CYP7B1: variants seen among roughly 807,000 people sequenced by gnomAD.
The protein encoded by CYP7B1 is cytochrome P450 7B1.
CYP7B1 carries 29 observed loss-of-function variants against 42.7 expected under a neutral mutation model. The observed-to-expected ratio is 0.68, with a 90% CI of 0.51 to 0.93. CYP7B1 has a LOEUF of 0.93. Among genes scored for constraint, CYP7B1 ranks in the 40% least tolerant of loss-of-function variants. The pLI is 0.00. For synonymous variants in CYP7B1, 235 were observed against 218.2 expected (o/e 1.08, Z -0.68); for missense variants, 655 against 600.5 (o/e 1.09, Z -0.95).
At chr8:64,603,862 A>C (rs149312285) in intron 5 of CYP7B1, among the ~76,000 whole-genome samples, 2 of 152,352 alleles carry the variant, frequency 1.3e-5, no homozygotes, top group Non-Finnish European at 2.9e-5. Flanking sequence ...TATCTTAGCA[A>C]TTAGATTTAG....
intron 2 of CYP7B1, among the ~76,000 whole-genome samples, chr8:64,618,590 T>TCTCTC (rs1805482620): frequency 2.6e-5 from 1 of 38,894 alleles, no homozygotes; most frequent in Non-Finnish European, 5.8e-5. Context: ...CTCTCTCTCT[T>TCTCTC]TCTCTCTCTC....
intron 1 of CYP7B1, among the ~76,000 whole-genome samples, chr8:64,684,349 C>A (rs958541776): frequency 6.6e-6 from 1 of 152,184 alleles, no homozygotes; most frequent in Non-Finnish European, 1.5e-5. Context: ...TCAGCTGCTT[C>A]ATCTATAAAC....
intron 1 of CYP7B1, among the ~76,000 whole-genome samples, chr8:64,653,114 C>A (rs1408010652): frequency 6.6e-6 from 1 of 151,904 alleles, no homozygotes; most frequent in Non-Finnish European, 1.5e-5. Context: ...GCAAATTAAC[C>A]CCAAAGTTAG....
At position 64,697,319 on chromosome 8, in the gene CYP7B1, G is replaced by C. The variant is rs550972355; in HGVS notation, c.123-72780C>G. On this transcript the variant is annotated intron_variant, in intron 1 of 5. Coordinates refer to ENST00000310193, the MANE Select transcript of CYP7B1 (RefSeq NM_004820.5). ...TATACTCACATATAAATACAGTAAT[G>C]GGTTGCCACTTCTTGGGGAAGGCCA... Among the ~76,000 whole-genome samples the C allele has an allele frequency of 1.2e-3, 189 of 152,216 alleles. 2 individuals are homozygous for C. In the Middle Eastern group the frequency reaches 0.02, roughly 16 times the overall value.
In CYP7B1 at chr8:64,672,989, A is replaced by T. The variant is rs187842406; in HGVS notation, c.123-48450T>A. ...CAGTTGAGTTCTGTGCATGTCAAGT[A>T]TGAATAGAGTAGTCATGTTCAAAGG... On this transcript the variant is annotated intron_variant, in intron 1 of 5. Transcript: ENST00000310193. 6.6e-5 allele frequency among the ~76,000 whole-genome samples: 10 copies of T among 152,262 alleles called. No individual in the cohort carries two copies. The East Asian group carries it at 1.9e-3, about 29-fold the overall frequency.
chr8:64,720,175 T>C (rs933032890), intron 1 of CYP7B1, among the ~76,000 whole-genome samples: 1 of 152,052 alleles, frequency 6.6e-6, no homozygotes, highest in Admixed American at 6.6e-5. Flanking sequence ...TAAATAGAGA[T>C]TTTTTAGAGA....
At chr8:64,620,439 A>G (rs759683901) in intron 2 of CYP7B1, among the ~76,000 whole-genome samples, 30 of 152,172 alleles carry the variant, frequency 2.0e-4, no homozygotes, top group Non-Finnish European at 4.0e-4. Context: ...ATCTAGGGAA[A>G]ACGATTCCAC....
Position 64,624,419 on chromosome 8 carries a change from GAA to G in CYP7B1, c.241_242del (p.Phe81HisfsTer26). 1.9e-6 allele frequency: 3 copies of G among 1,613,750 alleles called. No homozygotes were observed. The highest frequency in any genetic ancestry group is 2.5e-6 in the Non-Finnish European group (3 of 1,179,916). On this transcript the variant is annotated frameshift_variant, in exon 2 of 6. Coordinates refer to ENST00000310193, the MANE Select transcript of CYP7B1 (RefSeq NM_004820.5). LOFTEE classifies it high-confidence loss of function. ...KTLQKQHGDT[F>X]TVLLGGKYIT... Reference sequence around the variant, plus strand: ...GCTTCTTACCACCAAGAAGAACTGTGAAAGTGTCACCATGTTGCTTTTGAAGT... The same window carrying G: ...GCTTCTTACCACCAAGAAGAACTGTGAGTGTCACCATGTTGCTTTTGAAGT...
intron 1 of CYP7B1, among the ~76,000 whole-genome samples, chr8:64,627,763 G>C (rs950345558): frequency 1.3e-5 from 2 of 152,116 alleles, no homozygotes; most frequent in African/African-American, 2.4e-5. Flanking sequence ...GTAAGCTTAA[G>C]ACTATTAAAC....
At position 64,749,067 on chromosome 8, in the gene CYP7B1, A is replaced by G. The variant is rs537793220; in HGVS notation, c.122+49399T>C. Among the ~76,000 whole-genome samples, 8 of 151,768 alleles carry G rather than the reference A, an allele frequency of 5.3e-5. No individual in the cohort carries two copies. The East Asian group carries it at 1.6e-3, about 29-fold the overall frequency. On this transcript the variant is annotated intron_variant, in intron 1 of 5. Transcript: ENST00000310193. ...ATCATCACATTTGGTTTTCTTTTTT[A>G]TTTTCTTTTTTTTCTTTTTTCTCTT... is the stretch of plus-strand genomic sequence containing the variant.
rs776507353 is a variant in CYP7B1 at position 64,593,848 on chromosome 8, G to A, written c.*2794C>T. 7.2e-5 allele frequency among the ~76,000 whole-genome samples: 11 copies of A among 152,010 alleles called. No individual in the cohort carries two copies. Among genetic ancestry groups the A allele is most frequent in the Non-Finnish European group, 1.5e-4 (10 of 68,010 alleles). ...AAAGGATGTTGAGTTTATAATAAAG[G>A]TACAAGATATTATAAAAAATAAGCA... On this transcript the variant is annotated 3_prime_UTR_variant, in exon 6 of 6. Coordinates refer to ENST00000310193, the MANE Select transcript of CYP7B1 (RefSeq NM_004820.5).
chr8:64,618,067 T>C (rs1471095463), intron 2 of CYP7B1, among the ~76,000 whole-genome samples: 1 of 148,784 alleles, frequency 6.7e-6, no homozygotes, highest in Non-Finnish European at 1.5e-5. Context: ...TAAACTAAAT[T>C]TGTGTGTGTG....
chr8:64,707,382 T>C (rs540108162), intron 1 of CYP7B1, among the ~76,000 whole-genome samples: 1 of 152,216 alleles, frequency 6.6e-6, no homozygotes, highest in East Asian at 1.9e-4. Context: ...TTCATAGTCA[T>C]AGTATGGGCC....
intron 2 of CYP7B1, among the ~76,000 whole-genome samples, chr8:64,617,579 T>C (rs1239587514): frequency 6.6e-6 from 1 of 152,108 alleles, no homozygotes; most frequent in African/African-American, 2.4e-5. Flanking sequence ...ATAATGACAT[T>C]TAATGTCTTT....
At chr8:64,795,314 T>G (rs1481715888) in intron 1 of CYP7B1, among the ~76,000 whole-genome samples, 4 of 152,028 alleles carry the variant, frequency 2.6e-5, no homozygotes, top group East Asian at 3.9e-4. Flanking sequence ...TAGAAAGGAG[T>G]GTAAAATATT....
Position 64,596,546 on chromosome 8 carries a change from TAAATC to T in CYP7B1, c.*91_*95del. 1 of 1,273,210 alleles carries T rather than the reference TAAATC, an allele frequency of 7.9e-7. No homozygotes were observed. Among genetic ancestry groups the T allele is most frequent in the Non-Finnish European group, 1.1e-6 (1 of 916,214 alleles). 78.9% of individuals were successfully genotyped at this position (1,273,210 alleles called of 1,614,324 possible). A position where few individuals can be genotyped will look rare whatever the true frequency, so the allele number is the denominator to read the frequency against. ...TAGAAATTAGCGCTTTTTAAACAAA[TAAATC>T]AATTACATTTGCAGAAATTAAAAAG... On this transcript the variant is annotated 3_prime_UTR_variant, in exon 6 of 6. Transcript: ENST00000310193.
downstream of CYP7B1, among the ~76,000 whole-genome samples, chr8:64,588,274 G>C (rs1321536475): frequency 6.6e-6 from 1 of 152,082 alleles, no homozygotes; most frequent in Non-Finnish European, 1.5e-5. Flanking sequence ...AAAAACTAAT[G>C]GCAGCCATAA....
rs1029833301 is a variant in CYP7B1, at chr8:64,592,612, C to T, written c.*4030G>A. On this transcript the variant is annotated 3_prime_UTR_variant, in exon 6 of 6. Transcript: ENST00000310193. ...TGAATTAACAAATGACTATAAAAAA[C>T]GATTCCCTTGAACAATACACAAGAG... is the stretch of plus-strand genomic sequence containing the variant. 7.2e-5 allele frequency among the ~76,000 whole-genome samples: 11 copies of T among 152,138 alleles called. No individual in the cohort carries two copies. The highest frequency in any genetic ancestry group is 1.9e-4 in the African/African-American group (8 of 41,424).
intron 1 of CYP7B1, among the ~76,000 whole-genome samples, chr8:64,779,546 C>T (rs775343329): frequency 2.6e-5 from 4 of 152,078 alleles, no homozygotes; most frequent in African/African-American, 9.7e-5. Flanking sequence ...CATTCTAGCC[C>T]TAAAGGACAG....
Sources: allele counts gnomAD v4.1 joint callset (sites outside exome capture counted in the v4.1 genomes callset), GRCh38; gene constraint gnomAD v4.1.1; transcripts MANE v1.5; gene names NCBI Gene and HGNC (gene_info 2026-07-23, HGNC 2026-07-21).